The following HS3ST1 variants were observed in gnomAD, a reference collection of about 807,000 sequenced individuals.
HS3ST1 encodes the protein heparan sulfate-glucosamine 3-sulfotransferase 1.
HS3ST1 carries 8 observed loss-of-function variants against 20.7 expected under a neutral mutation model. That is an observed-to-expected ratio of 0.39 (90% CI 0.23 to 0.70). The LOEUF (loss-of-function observed/expected upper bound fraction) is 0.70. Among genes scored for constraint, HS3ST1 ranks in the 30% least tolerant of loss-of-function variants. The probability of loss-of-function intolerance (pLI) is 0.46; values close to 1 mark genes in which losing one functional copy is unlikely to be tolerated. For synonymous variants in HS3ST1, 205 were observed against 190.4 expected, an observed-to-expected ratio of 1.08 and a Z score of -0.63; for missense variants, 436 against 423.4, an observed-to-expected ratio of 1.03 and a Z score of -0.26.
chr4:11,408,732 G>A (rs1428979785), intron 1 of HS3ST1, among the ~76,000 whole-genome samples: 1 of 152,224 alleles, frequency 6.6e-6, no homozygotes, highest in Non-Finnish European at 1.5e-5. Context: ...ACAGGAGGGC[G>A]GACAGACGGG....
At chr4:11,430,453 C>G (rs1471678945), upstream of HS3ST1, among the ~76,000 whole-genome samples, 1 of 152,172 alleles carries the variant, frequency 6.6e-6, no homozygotes, top group Non-Finnish European at 1.5e-5. Flanking sequence ...AAATGGAAGT[C>G]TAAGATAAAG....
At chr4:11,401,343 C>T (rs1718317698) in intron 1 of HS3ST1, among the ~76,000 whole-genome samples, 1 of 131,586 alleles carries the variant, frequency 7.6e-6, no homozygotes, top group Non-Finnish European at 1.6e-5. Context: ...GCAGATGTCA[C>T]CGCCATTTTT....
chr4:11,411,946 A>G (rs1390803885), intron 1 of HS3ST1, among the ~76,000 whole-genome samples: 2 of 152,226 alleles, frequency 1.3e-5, no homozygotes, highest in African/African-American at 4.8e-5. Context: ...CATCTGAAAT[A>G]TGGGGATGGT....
intron 1 of HS3ST1, among the ~76,000 whole-genome samples, chr4:11,427,479 C>A (rs1397701406): frequency 6.6e-6 from 1 of 152,200 alleles, no homozygotes; most frequent in African/African-American, 2.4e-5. Context: ...CGGAGCGCAG[C>A]GCAAAGACAG....
At position 11,420,689 on chromosome 4, in the gene HS3ST1, C is replaced by A. The variant is rs181720588; in HGVS notation, c.-109+8010G>T. Among the ~76,000 whole-genome samples, 6 of 152,328 alleles carry A rather than the reference C, an allele frequency of 3.9e-5. No homozygotes were observed. In the East Asian group the frequency reaches 1.2e-3, roughly 29 times the overall value. On this transcript the variant is annotated intron_variant, in intron 1 of 1. Transcript: ENST00000002596. The stretch of plus-strand genomic sequence containing the variant: ...TTTGGTGACATAAGCAAGAATCAGA[C>A]TCACTTCTTCAATGCCCAGAGTTCT...
At chr4:11,413,213 A>AGC (rs1718683335) in intron 1 of HS3ST1, among the ~76,000 whole-genome samples, 1 of 152,180 alleles carries the variant, frequency 6.6e-6, no homozygotes, top group Non-Finnish European at 1.5e-5. Context: ...GTGACAATAA[A>AGC]GCATACCATT....
In HS3ST1 at chr4:11,417,449, A is replaced by G. The variant is rs182537660; in HGVS notation, c.-109+11250T>C. ...ATTAGACTAAATTAAATGTTAATAAATGAGTGTATGAAAAATACATAATTA... is the reference window on the plus strand; with the variant it reads ...ATTAGACTAAATTAAATGTTAATAAGTGAGTGTATGAAAAATACATAATTA... On this transcript the variant is annotated intron_variant, in intron 1 of 1. Coordinates refer to ENST00000002596, the MANE Select transcript of HS3ST1 (RefSeq NM_005114.4). Among the ~76,000 whole-genome samples, 274 of 152,312 alleles carry G rather than the reference A, an allele frequency of 1.8e-3. 1 individual carries two copies. Among genetic ancestry groups the G allele is most frequent in the African/African-American group, 6.2e-3 (258 of 41,582 alleles).
At chr4:11,416,543 A>G (rs1456485512) in intron 1 of HS3ST1, among the ~76,000 whole-genome samples, 1 of 152,110 alleles carries the variant, frequency 6.6e-6, no homozygotes, top group Admixed American at 6.6e-5. Context: ...CAACACCTAC[A>G]TCTCTGTCCC....
chr4:11,403,692 C>T (rs189798182), intron 1 of HS3ST1, among the ~76,000 whole-genome samples: 143 of 152,328 alleles, frequency 9.4e-4, no homozygotes, highest in Admixed American at 1.6e-3. Flanking sequence ...CACCAACTTC[C>T]AGTGTCAGCT....
At chr4:11,400,725 T>C (rs1231402339) in intron 1 of HS3ST1, among the ~76,000 whole-genome samples, 1 of 152,202 alleles carries the variant, frequency 6.6e-6, no homozygotes, top group Non-Finnish European at 1.5e-5. Context: ...ACAGAGCATG[T>C]GAATTAGTAT....
At chr4:11,410,344 G>A (rs763198864) in intron 1 of HS3ST1, among the ~76,000 whole-genome samples, 3 of 152,168 alleles carry the variant, frequency 2.0e-5, no homozygotes, top group African/African-American at 4.8e-5. Flanking sequence ...GGTCAGGGAG[G>A]GCCTCGAAGG....
At chr4:11,429,742 CTA>C (rs979179402), upstream of HS3ST1, 2 of 142,820 alleles carry the variant, frequency 1.4e-5, no homozygotes, top group African/African-American at 5.2e-5. Flanking sequence ...CCCCGCTCCT[CTA>C]TTCCGGAAGC....
At chr4:11,414,042 T>C (rs563698564) in intron 1 of HS3ST1, 1 of 152,156 alleles carries the variant, frequency 6.6e-6, no homozygotes, top group African/African-American at 2.4e-5. Flanking sequence ...TTTCCTTTCT[T>C]TTTTTTAAAG....
chr4:11,416,972 C>T (rs1002516475), intron 1 of HS3ST1, among the ~76,000 whole-genome samples: 8 of 152,130 alleles, frequency 5.3e-5, no homozygotes, highest in South Asian at 4.1e-4. Flanking sequence ...AAACAGTATG[C>T]GTAGGGGTGT....
chr4:11,404,797 T>A (rs537608461), intron 1 of HS3ST1, among the ~76,000 whole-genome samples: 1 of 152,384 alleles, frequency 6.6e-6, no homozygotes, highest in South Asian at 2.1e-4. Context: ...GCAAAAGCAA[T>A]GATTGCAGCT....
chr4:11,418,538 C>G (rs1368312354), intron 1 of HS3ST1, among the ~76,000 whole-genome samples: 1 of 152,118 alleles, frequency 6.6e-6, no homozygotes, highest in Non-Finnish European at 1.5e-5. Flanking sequence ...TCTCTCATAC[C>G]CAGAGCCACC....
intron 1 of HS3ST1, among the ~76,000 whole-genome samples, chr4:11,407,296 G>C (rs993054308): frequency 9.2e-5 from 14 of 152,162 alleles, no homozygotes; most frequent in Non-Finnish European, 2.1e-4. Flanking sequence ...ATAAGTTACA[G>C]TAATTGGCCC....
intron 1 of HS3ST1, among the ~76,000 whole-genome samples, chr4:11,426,165 T>G (rs1425661152): frequency 6.6e-6 from 1 of 152,130 alleles, no homozygotes; most frequent in African/African-American, 2.4e-5. Context: ...CCTCCAAACT[T>G]TAGCCCCCAT....
intron 1 of HS3ST1, among the ~76,000 whole-genome samples, chr4:11,405,456 C>T (rs1718439565): frequency 6.6e-6 from 1 of 152,144 alleles, no homozygotes; most frequent in Non-Finnish European, 1.5e-5. Context: ...AAACTCCTTT[C>T]CAAGGAGGCC....
Sources: gnomAD v4.1 joint callset for allele counts (sites outside exome capture counted in the v4.1 genomes callset) on GRCh38, gnomAD v4.1.1 for gene constraint, MANE v1.5 for transcripts, NCBI Gene and HGNC (gene_info 2026-07-23, HGNC 2026-07-21) for gene names.